Variants in CFAP20 observed in about 807,000 individuals in gnomAD.
CFAP20 encodes cilia and flagella associated protein 20, also known as cilia- and flagella-associated protein 20.
Under a neutral mutation model 25.5 loss-of-function variants are expected in CFAP20, and 14 were observed. The ratio of observed to expected loss-of-function variants is 0.55; its 90% CI spans 0.36 to 0.86. The LOEUF is 0.86. CFAP20 is among the 40% of genes least tolerant of loss of function. The pLI is 0.01. For missense variants in CFAP20, 181 were observed against 248.0 expected (o/e 0.73, Z 1.81); for synonymous variants, 75 against 91.1 (o/e 0.82, Z 1.01).
intron 1 of CFAP20, among the ~76,000 whole-genome samples, chr16:58,121,937 C>T (rs1338930092): frequency 6.6e-6 from 1 of 152,248 alleles, no homozygotes; most frequent in African/African-American, 2.4e-5. Context: ...ACCCACTCAG[C>T]CTGGCAGGCA....
intron 5 of CFAP20, among the ~76,000 whole-genome samples, chr16:58,114,293 C>T (rs1488114891): frequency 1.3e-5 from 2 of 152,020 alleles, no homozygotes; most frequent in African/African-American, 2.4e-5. Context: ...TTTGGGAGGC[C>T]GAGGCAGGCG....
chr16:58,129,125 G>A lies in CFAP20; in HGVS notation c.-10C>T. The A allele has an allele frequency of 6.2e-7, 1 of 1,613,452 alleles. No homozygotes were observed. Among genetic ancestry groups the A allele is most frequent in the Non-Finnish European group, 8.5e-7 (1 of 1,179,890 alleles). Reference sequence around the variant, plus strand: ...ACGTGTTTTTGAACATCTCGCCGGCGGCCTTCTCCTAAGCCGCCCCCGGAG... The same window carrying A: ...ACGTGTTTTTGAACATCTCGCCGGCAGCCTTCTCCTAAGCCGCCCCCGGAG... On this transcript the variant is annotated 5_prime_UTR_variant, in exon 1 of 6. Transcript: ENST00000262498.
intron 1 of CFAP20, among the ~76,000 whole-genome samples, chr16:58,125,411 A>C (rs2142370145): frequency 6.6e-6 from 1 of 152,372 alleles, no homozygotes; most frequent in South Asian, 2.1e-4. Flanking sequence ...AAGGCCAGGC[A>C]CGGGAACTCA....
rs1440449418 is a variant in CFAP20, at chr16:58,129,370, C to T, written c.-255G>A. On this transcript the variant is annotated 5_prime_UTR_variant, in exon 1 of 6. Coordinates refer to ENST00000262498, the MANE Select transcript of CFAP20 (RefSeq NM_013242.3). The stretch of plus-strand genomic sequence containing the variant: ...ACTACCGTCCGCGCCGCGGTATTTC[C>T]CCGCCTTCAATGGAGGCGGAGGGCC... 5 of 478,600 alleles carry T rather than the reference C, an allele frequency of 1.0e-5. No individual in the cohort carries two copies. The highest frequency in any genetic ancestry group is 5.9e-5 in the African/African-American group (3 of 51,078). 29.6% of individuals were successfully genotyped at this position (478,600 alleles called of 1,614,324 possible). A position where few individuals can be genotyped will look rare whatever the true frequency, so the allele number is the denominator to read the frequency against.
At chr16:58,123,987 G>C (rs1417073790) in intron 1 of CFAP20, among the ~76,000 whole-genome samples, 1 of 152,194 alleles carries the variant, frequency 6.6e-6, no homozygotes, top group East Asian at 1.9e-4. Flanking sequence ...GAAAAGATGG[G>C]AGTGAGGCTT....
In CFAP20 at chr16:58,129,205, G is replaced by A. The variant is rs1960674695; in HGVS notation, c.-90C>T. ...ACCGAGCGTCGAGGGCACAGCAGCA[G>A]GCCGGCCCTGTTCCGAAGAAGGGTG... On this transcript the variant is annotated 5_prime_UTR_variant, in exon 1 of 6. Coordinates refer to ENST00000262498, the MANE Select transcript of CFAP20 (RefSeq NM_013242.3). The A allele has an allele frequency of 7.1e-7, 1 of 1,403,890 alleles. No homozygotes were observed. The highest frequency in any genetic ancestry group is 9.8e-7 in the Non-Finnish European group (1 of 1,016,470). The allele number at this position is 1,403,890 out of a possible 1,614,324, so 87.0% of individuals were successfully genotyped here. A position where few individuals can be genotyped will look rare whatever the true frequency, so the allele number is the denominator to read the frequency against.
intron 1 of CFAP20, among the ~76,000 whole-genome samples, chr16:58,123,595 C>CAAAAAAAAAAAAAAAAA (rs574037205): frequency 6.6e-5 from 3 of 45,722 alleles, no homozygotes; most frequent in African/African-American, 7.2e-5. Context: ...GACTCTGTCT[C>CAAAAAAAAAAAAAAAAA]AAAAAAAAAA....
intron 1 of CFAP20, 41 bp downstream of exon 1, chr16:58,128,991 G>T: frequency 1.3e-6 from 2 of 1,586,508 alleles, no homozygotes; most frequent in Non-Finnish European, 1.7e-6. Context: ...AGGAGGGGGT[G>T]CAGCCCCTCC....
Position 58,129,302 on chromosome 16 carries a change from T to G in CFAP20, c.-187A>C. 1.7e-6 allele frequency: 1 copy of G among 599,652 alleles called. No individual in the cohort carries two copies. The highest frequency in any genetic ancestry group is 2.8e-5 in the East Asian group (1 of 35,130). The allele number at this position is 599,652 out of a possible 1,614,324, so 37.1% of individuals were successfully genotyped here. Reference sequence around the variant, plus strand: ...GGACGCGGCAACGCTAAGTCCGCGATCTTCAGCTCCTAAGCTGCGAGCTCA... The same window carrying G: ...GGACGCGGCAACGCTAAGTCCGCGAGCTTCAGCTCCTAAGCTGCGAGCTCA... On this transcript the variant is annotated 5_prime_UTR_variant, in exon 1 of 6. Coordinates refer to ENST00000262498, the MANE Select transcript of CFAP20 (RefSeq NM_013242.3).
rs1464765365 is a variant in CFAP20, at chr16:58,115,270, T to G, written c.464A>C (p.Gln155Pro). 6.2e-7 allele frequency: 1 copy of G among 1,614,158 alleles called. No individual in the cohort carries two copies. The highest frequency in any genetic ancestry group is 8.5e-7 in the Non-Finnish European group (1 of 1,180,022). Reference sequence around the variant, plus strand: ...CTCTATCTGGGAAAGGAGCAGTACCTGCACTCTGAGGGTCTCGATGTAATT... The same window carrying G: ...CTCTATCTGGGAAAGGAGCAGTACCGGCACTCTGAGGGTCTCGATGTAATT... ...GTNYIETLRV[Q>P]IHANCRIRRV... is the part of the protein sequence containing the mutation. Residue 155 changes from glutamine to proline, a missense_variant and splice_region_variant, in exon 4 of 6, where the codon CAG becomes CCG. Transcript: ENST00000262498.
chr16:58,129,299 C>A lies in CFAP20; in HGVS notation c.-184G>T. 3 of 602,554 alleles carry A rather than the reference C, an allele frequency of 5.0e-6. No individual in the cohort carries two copies. The East Asian group carries it at 8.5e-5, about 17-fold the overall frequency. The allele number at this position is 602,554 out of a possible 1,614,324, so 37.3% of individuals were successfully genotyped here. A position where few individuals can be genotyped will look rare whatever the true frequency, so the allele number is the denominator to read the frequency against. ...CTCGGACGCGGCAACGCTAAGTCCG[C>A]GATCTTCAGCTCCTAAGCTGCGAGC... On this transcript the variant is annotated 5_prime_UTR_variant, in exon 1 of 6. Transcript: ENST00000262498.
intron 2 of CFAP20, chr16:58,116,550 C>A: frequency 2.5e-6 from 1 of 400,550 alleles, no homozygotes; most frequent in Non-Finnish European, 4.5e-6. Context: ...ACTCCCCACC[C>A]CAACACACAC....
At chr16:58,114,950 G>A (rs781366501) in intron 4 of CFAP20, 30 bp from the exon 5 acceptor site, 195 of 1,549,384 alleles carry the variant, frequency 1.3e-4, no homozygotes, top group Non-Finnish European at 1.6e-4. Context: ...TTTGAGAGGC[G>A]AAATGTGACT....
intron 1 of CFAP20, among the ~76,000 whole-genome samples, chr16:58,123,799 C>G (rs1030658948): frequency 6.6e-6 from 1 of 151,986 alleles, no homozygotes. Context: ...CTAATTTCTT[C>G]TAAGCTGTTG....
chr16:58,116,584 C>G (rs1960460830), intron 2 of CFAP20: 2 of 463,832 alleles, frequency 4.3e-6, no homozygotes, highest in Non-Finnish European at 7.6e-6. Flanking sequence ...ATAGCTAATA[C>G]TGACATCGTG....
intron 3 of CFAP20, 104 bp from the exon 4 acceptor site, chr16:58,115,561 C>A: frequency 6.6e-6 from 9 of 1,373,780 alleles, no homozygotes; most frequent in South Asian, 1.3e-5. Context: ...TTTCCCAAGG[C>A]TGAGACTTAG....
intron 1 of CFAP20, 131 bp downstream of exon 1, chr16:58,128,901 G>C (rs962675684): frequency 1.0e-6 from 1 of 999,872 alleles, no homozygotes. Flanking sequence ...CCAGGCTGGG[G>C]ACAAGGCACA....
Position 58,116,113 on chromosome 16 carries a change from C to G in CFAP20, c.204G>C (p.Thr68=), listed in dbSNP as rs765237816. 6.2e-7 allele frequency: 1 copy of G among 1,613,746 alleles called. No individual in the cohort carries two copies. The change falls in exon 3 of 6, where the codon ACG becomes ACC. Residue 68 remains threonine, a synonymous_variant. Coordinates refer to ENST00000262498, the MANE Select transcript of CFAP20 (RefSeq NM_013242.3). ...CAAGGAAAGGAAGTTTAATTCCCAG[C>G]GTCTTCTTGGGGTCTGCAGGGCATG... ...YITCPADPKK[T]LGIKLPFLVM...
In CFAP20 at chr16:58,129,085, G is replaced by A; in HGVS notation, c.31C>T (p.Leu11Phe). 6.2e-7 allele frequency: 1 copy of A among 1,613,862 alleles called. No individual in the cohort carries two copies. Among genetic ancestry groups the A allele is most frequent in the Non-Finnish European group, 8.5e-7 (1 of 1,179,974 alleles). Residue 11 changes from leucine (L) to phenylalanine (F), a missense_variant, in exon 1 of 6, where the codon CTC (leucine) becomes TTC (phenylalanine). Coordinates refer to ENST00000262498, the MANE Select transcript of CFAP20 (RefSeq NM_013242.3). ...CTGCCGATGCTGTAGAGGATGGAGA[G>A]GAAGCCGCTCTGGAACGTGTTTTTG... MFKNTFQSGFLSILYSIGSKP... is the reference protein window; with the variant it reads MFKNTFQSGFFSILYSIGSKP...
Sources: allele counts gnomAD v4.1 joint callset (sites outside exome capture counted in the v4.1 genomes callset), GRCh38; gene constraint gnomAD v4.1.1; transcripts MANE v1.5; gene names NCBI Gene and HGNC (gene_info 2026-07-23, HGNC 2026-07-21).